The following LHFPL4 variants were observed in gnomAD, a reference collection of about 807,000 sequenced individuals.
LHFPL4 encodes the protein LHFPL tetraspan subfamily member 4, also known as LHFPL tetraspan subfamily member 4 protein.
In LHFPL4, 6 loss-of-function variants were observed where a neutral mutation model predicts 20.0. That is an observed-to-expected ratio of 0.30 (90% confidence interval 0.16 to 0.59). The LOEUF is 0.59. Among genes scored for constraint, LHFPL4 ranks in the 20% least tolerant of loss-of-function variants. The pLI is 0.88. For synonymous variants in LHFPL4, 129 were observed against 143.8 expected, an observed-to-expected ratio of 0.90 and a Z score of 0.74; for missense variants, 215 against 331.2, an observed-to-expected ratio of 0.65 and a Z score of 2.72.
intron 2 of LHFPL4, among the ~76,000 whole-genome samples, chr3:9,513,088 T>A (rs186644457): frequency 0.013 from 2,000 of 151,510 alleles, 41 homozygotes; most frequent in African/African-American, 0.046. Flanking sequence ...GCCTCCCGAG[T>A]AGCTGGGATT....
At chr3:9,512,579 A>C (rs1049526266) in intron 2 of LHFPL4, among the ~76,000 whole-genome samples, 8 of 152,146 alleles carry the variant, frequency 5.3e-5, no homozygotes, top group Admixed American at 5.2e-4. Flanking sequence ...AGTATTTAGA[A>C]CCCTCAATTT....
intron 2 of LHFPL4, among the ~76,000 whole-genome samples, chr3:9,539,454 CAAAAAAAAA>C (rs57211005): frequency 9.1e-6 from 1 of 109,456 alleles, no homozygotes; most frequent in East Asian, 2.7e-4. Flanking sequence ...AACTTCGTCT[CAAAAAAAAA>C]AAAAAAAAAG....
intron 2 of LHFPL4, among the ~76,000 whole-genome samples, chr3:9,546,178 G>T (rs1232829141): frequency 6.6e-6 from 1 of 151,852 alleles, no homozygotes; most frequent in Non-Finnish European, 1.5e-5. Flanking sequence ...AGCCAGGTGT[G>T]GTGGCACGTG....
intron 2 of LHFPL4, among the ~76,000 whole-genome samples, chr3:9,517,277 A>C (rs946091870): frequency 4.6e-5 from 7 of 152,152 alleles, no homozygotes; most frequent in African/African-American, 1.7e-4. Context: ...GATTGCATTG[A>C]ATCTAAAGAT....
At chr3:9,546,170 C>T (rs1358930797) in intron 2 of LHFPL4, among the ~76,000 whole-genome samples, 1 of 151,872 alleles carries the variant, frequency 6.6e-6, no homozygotes, top group Non-Finnish European at 1.5e-5. Context: ...AAAAAATTAG[C>T]CAGGTGTGGT....
chr3:9,531,851 T>G (rs2046411305), intron 2 of LHFPL4, among the ~76,000 whole-genome samples: 2 of 148,868 alleles, frequency 1.3e-5, no homozygotes, highest in South Asian at 2.1e-4. Context: ...TAAAGGAGAG[T>G]TCAAAGGAAG....
chr3:9,528,961 A>T lies in LHFPL4; in HGVS notation c.407-22758T>A, dbSNP rs546843521. ...GAGATGGAATCTCACTGTGTGGCCC[A>T]GGCTGGAGTGCAGTAGCACGATCTT... On this transcript the variant is annotated intron_variant, in intron 2 of 3. Coordinates refer to ENST00000287585, the MANE Select transcript of LHFPL4 (RefSeq NM_198560.3). Among the ~76,000 whole-genome samples, 182 of 149,366 alleles carry T rather than the reference A, an allele frequency of 1.2e-3. 1 individual carries two copies. Among genetic ancestry groups the T allele is most frequent in the East Asian group, 3.4e-3 (17 of 5,020 alleles).
At chr3:9,551,317 C>T (rs2046552403) in intron 2 of LHFPL4, among the ~76,000 whole-genome samples, 1 of 152,164 alleles carries the variant, frequency 6.6e-6, no homozygotes, top group African/African-American at 2.4e-5. Context: ...AAACTTTTCC[C>T]TTCACTAGCT....
chr3:9,526,693 G>C (rs938055837), intron 2 of LHFPL4, among the ~76,000 whole-genome samples: 7 of 152,160 alleles, frequency 4.6e-5, no homozygotes, highest in African/African-American at 1.7e-4. Flanking sequence ...AGGTCATTAG[G>C]GTGGGCTCTA....
chr3:9,531,049 G>A (rs2046405944), intron 2 of LHFPL4, among the ~76,000 whole-genome samples: 1 of 152,120 alleles, frequency 6.6e-6, no homozygotes, highest in Non-Finnish European at 1.5e-5. Flanking sequence ...GAGAGACAGG[G>A]GAACAGCCAG....
intron 2 of LHFPL4, among the ~76,000 whole-genome samples, chr3:9,537,592 G>T (rs1398051693): frequency 6.6e-6 from 1 of 152,104 alleles, no homozygotes; most frequent in Admixed American, 6.6e-5. Flanking sequence ...TCTAGGATTT[G>T]GTGAAAAGCC....
intron 2 of LHFPL4, among the ~76,000 whole-genome samples, chr3:9,547,968 G>C (rs1267817915): frequency 6.6e-6 from 1 of 152,068 alleles, no homozygotes; most frequent in East Asian, 1.9e-4. Context: ...ATCACAACTG[G>C]CTAATTTTTG....
chr3:9,534,743 G>A (rs2046435021), intron 2 of LHFPL4, among the ~76,000 whole-genome samples: 1 of 152,122 alleles, frequency 6.6e-6, no homozygotes, highest in Non-Finnish European at 1.5e-5. Context: ...AATAATTAAA[G>A]CAGCAAAGAA....
intron 2 of LHFPL4, among the ~76,000 whole-genome samples, chr3:9,523,547 A>G (rs949261588): frequency 2.7e-5 from 4 of 149,870 alleles, no homozygotes; most frequent in Non-Finnish European, 5.9e-5. Flanking sequence ...ATTTCAGCTC[A>G]CTGCAACCTC....
At chr3:9,535,363 C>T (rs1292190719) in intron 2 of LHFPL4, among the ~76,000 whole-genome samples, 8 of 152,050 alleles carry the variant, frequency 5.3e-5, no homozygotes, top group African/African-American at 1.9e-4. Context: ...AGGTGCAAGA[C>T]GTTTGAGGTT....
intron 2 of LHFPL4, among the ~76,000 whole-genome samples, chr3:9,547,950 C>A (rs539485865): frequency 6.6e-6 from 1 of 152,288 alleles, no homozygotes; most frequent in East Asian, 1.9e-4. Context: ...GGACTACAGG[C>A]ACATGCCATC....
At chr3:9,542,486 T>C (rs2648399) in intron 2 of LHFPL4, among the ~76,000 whole-genome samples, 2 of 151,980 alleles carry the variant, frequency 1.3e-5, no homozygotes, top group African/African-American at 4.8e-5. Context: ...GAAAATGTTA[T>C]GCTAAGTGAA....
rs532895227 is a variant in LHFPL4 at position 9,498,530 on chromosome 3, C to T, written c.*3681G>A. 2.0e-5 allele frequency: 3 copies of T among 152,838 alleles called. No individual in the cohort carries two copies. The East Asian group carries it at 5.8e-4, about 29-fold the overall frequency. 9.5% of individuals were successfully genotyped at this position (152,838 alleles called of 1,614,324 possible). ...CTAATGGGGTATAGACAACACCAAGCTATCCTAACAGCACACAGCACAGGC... is the reference window on the plus strand; with the variant it reads ...CTAATGGGGTATAGACAACACCAAGTTATCCTAACAGCACACAGCACAGGC... On this transcript the variant is annotated 3_prime_UTR_variant, in exon 4 of 4. Coordinates refer to ENST00000287585, the MANE Select transcript of LHFPL4 (RefSeq NM_198560.3).
At chr3:9,543,592 A>G (rs986585813) in intron 2 of LHFPL4, among the ~76,000 whole-genome samples, 1 of 151,986 alleles carries the variant, frequency 6.6e-6, no homozygotes, top group African/African-American at 2.4e-5. Flanking sequence ...TTGCAACTTC[A>G]TGAGAGACCC....
Sources: gnomAD v4.1 joint callset for allele counts (sites outside exome capture counted in the v4.1 genomes callset) on GRCh38, gnomAD v4.1.1 for gene constraint, MANE v1.5 for transcripts, NCBI Gene and HGNC (gene_info 2026-07-23, HGNC 2026-07-21) for gene names.